The following SYT1 variants were observed in gnomAD, a reference collection of about 807,000 sequenced individuals.
SYT1 encodes synaptotagmin 1.
In SYT1, 8 loss-of-function variants were observed where a neutral mutation model predicts 44.8. The observed-to-expected ratio is 0.18, with a 90% CI of 0.10 to 0.32. The LOEUF (loss-of-function observed/expected upper bound fraction) is 0.32. Among genes scored for constraint, SYT1 ranks in the 10% least tolerant of loss-of-function variants. The probability of loss-of-function intolerance (pLI) is 1.00; values close to 1 mark genes in which losing one functional copy is unlikely to be tolerated. For missense variants in SYT1, 286 were observed against 509.3 expected (o/e 0.56, Z 4.22); for synonymous variants, 154 against 188.8 (o/e 0.82, Z 1.51).
chr12:78,951,888 C>T (rs1465247840), intron 1 of SYT1, among the ~76,000 whole-genome samples: 1 of 152,116 alleles, frequency 6.6e-6, no homozygotes, highest in African/African-American at 2.4e-5. Flanking sequence ...CTGGCGTCTG[C>T]ACTTCTGTCT....
intron 3 of SYT1, among the ~76,000 whole-genome samples, chr12:79,152,886 A>C (rs892124500): frequency 5.9e-5 from 9 of 151,678 alleles, no homozygotes; most frequent in African/African-American, 1.9e-4. Context: ...TAAAAAAAAA[A>C]AAAAAAGTAA....
At chr12:79,178,322 A>T (rs1277590652) in intron 3 of SYT1, among the ~76,000 whole-genome samples, 1 of 151,556 alleles carries the variant, frequency 6.6e-6, no homozygotes, top group East Asian at 1.9e-4. Context: ...ATTCCTTTTT[A>T]TTTCAATTTT....
At chr12:79,396,235 A>G (rs1884866618) in intron 9 of SYT1, among the ~76,000 whole-genome samples, 1 of 152,336 alleles carries the variant, frequency 6.6e-6, no homozygotes, top group East Asian at 1.9e-4. Context: ...CCCTCAATGC[A>G]GAAGGATTGG....
At chr12:78,930,993 G>T (rs1261493240) in intron 1 of SYT1, among the ~76,000 whole-genome samples, 2 of 150,894 alleles carry the variant, frequency 1.3e-5, no homozygotes, top group African/African-American at 4.9e-5. Flanking sequence ...GTGCATCGAT[G>T]ATTTAAGAAG....
intron 3 of SYT1, among the ~76,000 whole-genome samples, chr12:79,215,047 C>A (rs1253196309): frequency 6.6e-6 from 1 of 151,816 alleles, no homozygotes; most frequent in East Asian, 1.9e-4. Context: ...AACAGTTTTA[C>A]CCAAGTTGTA....
At chr12:79,381,963 A>T (rs1180989388) in intron 9 of SYT1, among the ~76,000 whole-genome samples, 3 of 152,124 alleles carry the variant, frequency 2.0e-5, no homozygotes, top group African/African-American at 7.2e-5. Context: ...TCCCTGACAG[A>T]TAGGTTTTTA....
intron 3 of SYT1, among the ~76,000 whole-genome samples, chr12:79,110,363 G>A (rs1001136607): frequency 6.6e-6 from 1 of 152,042 alleles, no homozygotes; most frequent in African/African-American, 2.4e-5. Context: ...TTTTCATATT[G>A]CTATGGAGCA....
intron 9 of SYT1, chr12:79,393,923 C>T (rs1437958549): frequency 6.6e-6 from 1 of 152,114 alleles, no homozygotes; most frequent in East Asian, 1.9e-4. Flanking sequence ...TTTCTTCTGC[C>T]TTCTGGGGAA....
chr12:78,881,917 A>G (rs1170876998), intron 1 of SYT1, among the ~76,000 whole-genome samples: 2 of 151,766 alleles, frequency 1.3e-5, no homozygotes, highest in African/African-American at 4.8e-5. Flanking sequence ...TAAATCAGAG[A>G]GGATACTTCT....
At chr12:79,276,823 T>C (rs907238358) in intron 4 of SYT1, among the ~76,000 whole-genome samples, 95 of 151,142 alleles carry the variant, frequency 6.3e-4, no homozygotes, top group African/African-American at 2.3e-3. Context: ...GTTAACCCAA[T>C]CAGACAAAAA....
At chr12:78,958,641 G>A (rs969846759) in intron 1 of SYT1, among the ~76,000 whole-genome samples, 2 of 151,806 alleles carry the variant, frequency 1.3e-5, no homozygotes, top group African/African-American at 4.8e-5. Flanking sequence ...GTTGCAGTGA[G>A]TCAAGATCAC....
At chr12:79,102,312 C>T (rs1398771482) in intron 3 of SYT1, among the ~76,000 whole-genome samples, 1 of 151,692 alleles carries the variant, frequency 6.6e-6, no homozygotes, top group Non-Finnish European at 1.5e-5. Flanking sequence ...GCTGCACAGG[C>T]TTCTTGCTGT....
At chr12:79,213,233 G>A (rs1874570752) in intron 3 of SYT1, among the ~76,000 whole-genome samples, 1 of 152,152 alleles carries the variant, frequency 6.6e-6, no homozygotes, top group South Asian at 2.1e-4. Flanking sequence ...TATCTAGGCA[G>A]ACAGAGTGTA....
intron 9 of SYT1, among the ~76,000 whole-genome samples, chr12:79,395,554 G>T (rs1449032119): frequency 6.6e-6 from 1 of 151,882 alleles, no homozygotes; most frequent in Non-Finnish European, 1.5e-5. Flanking sequence ...TTTGTTTTTT[G>T]GCTTTTGTTT....
chr12:79,098,338 C>T (rs2138037382), intron 3 of SYT1, among the ~76,000 whole-genome samples: 1 of 152,104 alleles, frequency 6.6e-6, no homozygotes, highest in Admixed American at 6.6e-5. Context: ...CAGAATTCAT[C>T]ATCTACTAAC....
chr12:78,901,140 G>A (rs1009777243), intron 1 of SYT1, among the ~76,000 whole-genome samples: 2 of 151,992 alleles, frequency 1.3e-5, no homozygotes, highest in Non-Finnish European at 2.9e-5. Flanking sequence ...AAGAATAGTA[G>A]TGAACAATAT....
At chr12:79,264,451 T>A (rs987129513) in intron 4 of SYT1, among the ~76,000 whole-genome samples, 2 of 152,196 alleles carry the variant, frequency 1.3e-5, no homozygotes, top group Admixed American at 1.3e-4. Context: ...ATGTAACTAG[T>A]TATTGAATAA....
At chr12:79,094,331 T>C (rs1380573494) in intron 3 of SYT1, among the ~76,000 whole-genome samples, 3 of 151,822 alleles carry the variant, frequency 2.0e-5, no homozygotes, top group Admixed American at 6.6e-5. Context: ...TTTACCCAAG[T>C]CACATGAACT....
At chr12:79,369,001 T>A (rs1398015996) in intron 9 of SYT1, among the ~76,000 whole-genome samples, 2 of 152,232 alleles carry the variant, frequency 1.3e-5, no homozygotes, top group East Asian at 3.8e-4. Context: ...GGTAATGAGA[T>A]GATACTTTTA....
Sources: allele counts gnomAD v4.1 joint callset (sites outside exome capture counted in the v4.1 genomes callset), GRCh38; gene constraint gnomAD v4.1.1; transcripts MANE v1.5; gene names NCBI Gene and HGNC (gene_info 2026-07-23, HGNC 2026-07-21).